The following PCNX2 variants were observed in gnomAD, a reference collection of about 807,000 sequenced individuals.
PCNX2 encodes the protein pecanex 2, also known as pecanex-like protein 2.
A neutral mutation model predicts 223.8 loss-of-function variants in PCNX2; 168 were observed. The ratio of observed to expected loss-of-function variants is 0.75; its 90% confidence interval spans 0.66 to 0.85. The LOEUF (loss-of-function observed/expected upper bound fraction) is 0.85, where lower values mean the gene tolerates loss of function less well. Ranked by LOEUF, PCNX2 falls within the 40% of genes least tolerant of loss-of-function variation. The probability of loss-of-function intolerance (pLI) is 0.00; values close to 1 mark genes in which losing one functional copy is unlikely to be tolerated. For missense variants in PCNX2, 2,507 were observed against 2,675.5 expected (o/e 0.94, Z 1.39); for synonymous variants, 1,006 against 1,052.6 (o/e 0.96, Z 0.86).
chr1:233,094,400 A>G (rs1674042037), intron 22 of PCNX2, among the ~76,000 whole-genome samples: 4 of 152,226 alleles, frequency 2.6e-5, no homozygotes, highest in Admixed American at 1.3e-4. Context: ...AGCTAAAGGG[A>G]AAGGGTGGTG....
At chr1:233,322,226 A>C in the PCNX2 span, among the ~76,000 whole-genome samples, 1 of 151,898 alleles carries the variant, frequency 6.6e-6, no homozygotes, top group African/African-American at 2.4e-5. Context: ...TTAAATATAC[A>C]TTTGCCACCC....
At chr1:232,987,985 C>A (rs1669554276) in intron 32 of PCNX2, among the ~76,000 whole-genome samples, 1 of 152,230 alleles carries the variant, frequency 6.6e-6, no homozygotes, top group African/African-American at 2.4e-5. Flanking sequence ...GTGCTCAGCC[C>A]CTCGCATGGG....
At chr1:233,241,428 C>A in intron 8 of PCNX2, 1 of 936,006 alleles carries the variant, frequency 1.1e-6, no homozygotes, top group Non-Finnish European at 1.3e-6. Flanking sequence ...GGTGAAAGTA[C>A]AATCTCTTTC....
intron 20 of PCNX2, 34 bp from the exon 21 acceptor site, chr1:233,135,224 AC>A: frequency 6.3e-7 from 1 of 1,583,694 alleles, no homozygotes. Flanking sequence ...GCAATCAATG[AC>A]AGTGTGCACA....
At chr1:233,089,893 C>G in intron 23 of PCNX2, 168 bp downstream of exon 23, 3 of 1,404,806 alleles carry the variant, frequency 2.1e-6, no homozygotes, top group Non-Finnish European at 2.8e-6. Context: ...CCCTGAGACC[C>G]AAGAGCTGAG....
chr1:233,173,463 G>A (rs562404164), intron 17 of PCNX2, among the ~76,000 whole-genome samples: 1 of 152,254 alleles, frequency 6.6e-6, no homozygotes, highest in East Asian at 1.9e-4. Context: ...ACCATGCCCA[G>A]CCCAGTCTTC....
rs80232762 is a variant in PCNX2, at chr1:233,227,136, G to A, written c.2504+90C>T. 7.3e-6 allele frequency: 10 copies of A among 1,370,928 alleles called. No homozygotes were observed. In the East Asian group the frequency reaches 7.7e-5, roughly 11 times the overall value. The allele number at this position is 1,370,928 out of a possible 1,614,324, so 84.9% of individuals were successfully genotyped here. The stretch of plus-strand genomic sequence containing the variant: ...AAGCGTACAACTTGAAAATGTGCAA[G>A]TGACAATGTTCTCTTTGAAAGCATG... On this transcript the variant is annotated intron_variant, in intron 10 of 33. Coordinates refer to ENST00000258229, the MANE Select transcript of PCNX2 (RefSeq NM_014801.4).
intron 8 of PCNX2, among the ~76,000 whole-genome samples, chr1:233,244,922 C>T (rs888096149): frequency 3.9e-5 from 6 of 152,202 alleles, no homozygotes; most frequent in Non-Finnish European, 8.8e-5. Flanking sequence ...TCCCTCCAAC[C>T]GTCCCACCAA....
intron 21 of PCNX2, among the ~76,000 whole-genome samples, chr1:233,111,770 G>C (rs1174757140): frequency 2.0e-5 from 3 of 152,172 alleles, no homozygotes; most frequent in Non-Finnish European, 2.9e-5. Context: ...ATTGGCAGCA[G>C]GCACTGGTAT....
intron 21 of PCNX2, among the ~76,000 whole-genome samples, chr1:233,097,406 G>A (rs1424150661): frequency 6.6e-6 from 1 of 151,988 alleles, no homozygotes; most frequent in Non-Finnish European, 1.5e-5. Context: ...GGCTTGGGGA[G>A]CTATAAGGAA....
In PCNX2 at chr1:233,126,047, T is replaced by C. The variant is rs923935422; in HGVS notation, c.3837+8966A>G. 1 of 151,910 alleles carries C rather than the reference T, an allele frequency of 6.6e-6. No individual in the cohort carries two copies. The highest frequency in any genetic ancestry group is 1.5e-5 in the Non-Finnish European group (1 of 68,000). The allele number at this position is 151,910 out of a possible 1,614,324, so 9.4% of individuals were successfully genotyped here. A position where few individuals can be genotyped will look rare whatever the true frequency, so the allele number is the denominator to read the frequency against. On this transcript the variant is annotated intron_variant, in intron 21 of 33. Transcript: ENST00000258229. This position sits in a 1 kb window ranked among gnomAD's most constrained non-coding sequence, Gnocchi z 4.8. The stretch of plus-strand genomic sequence containing the variant: ...CAACATGGTGAAACCCCATCTCTAA[T>C]AAAAATACAAAAATTAGCCAGGTGT...
intron 20 of PCNX2, among the ~76,000 whole-genome samples, chr1:233,136,885 G>T (rs1676835519): frequency 6.6e-6 from 1 of 152,158 alleles, no homozygotes; most frequent in Admixed American, 6.5e-5. Flanking sequence ...GGGTTATTCA[G>T]GCAAAATCCA....
chr1:233,015,222 TGCTAGAC>T (rs1670609674), intron 27 of PCNX2, among the ~76,000 whole-genome samples: 1 of 152,224 alleles, frequency 6.6e-6, no homozygotes, highest in Non-Finnish European at 1.5e-5. Context: ...GTGGGTTGAC[TGCTAGAC>T]TGTAAGTCCA....
rs569179597 is a variant in PCNX2 at position 233,043,362 on chromosome 1, A to G, written c.4351+10906T>C. Among the ~76,000 whole-genome samples, 208 of 152,272 alleles carry G rather than the reference A, an allele frequency of 1.4e-3. 1 individual carries two copies. The highest frequency in any genetic ancestry group is 2.6e-3 in the Non-Finnish European group (179 of 68,014). On this transcript the variant is annotated intron_variant, in intron 25 of 33. Coordinates refer to ENST00000258229, the MANE Select transcript of PCNX2 (RefSeq NM_014801.4). ...AAAACCCTTGAACTTGATGGCCCCC[A>G]TTGGCCTTCTAACATGCATTATCTA...
At chr1:233,292,055 C>A in intron 1 of PCNX2, 1 of 954,524 alleles carries the variant, frequency 1.0e-6, no homozygotes, top group Non-Finnish European at 1.2e-6. Flanking sequence ...TCACTATTTT[C>A]CACATTATCA....
chr1:233,210,793 C>A (rs545609173), intron 12 of PCNX2, among the ~76,000 whole-genome samples: 1 of 152,164 alleles, frequency 6.6e-6, no homozygotes, highest in Non-Finnish European at 1.5e-5. Flanking sequence ...CTGCTTTTAA[C>A]CTTAAAATAC....
intron 10 of PCNX2, among the ~76,000 whole-genome samples, chr1:233,223,267 G>A (rs897021982): frequency 3.3e-5 from 5 of 152,112 alleles, no homozygotes; most frequent in African/African-American, 4.8e-5. Context: ...TGGAATCAAC[G>A]GTGACCCTGA....
At chr1:233,066,531 T>C (rs1672616692) in intron 23 of PCNX2, among the ~76,000 whole-genome samples, 1 of 152,228 alleles carries the variant, frequency 6.6e-6, no homozygotes, top group African/African-American at 2.4e-5. Flanking sequence ...GAAGGAGGCA[T>C]CTGTGCTGGC....
At chr1:233,259,437 C>A in intron 4 of PCNX2, 93 bp from the exon 5 acceptor site, 1 of 1,411,792 alleles carries the variant, frequency 7.1e-7, no homozygotes, top group Non-Finnish European at 9.4e-7. Flanking sequence ...ACTAAAACAG[C>A]ACCAGCAACT....
Sources: allele counts gnomAD v4.1 joint callset (sites outside exome capture counted in the v4.1 genomes callset), GRCh38; gene constraint gnomAD v4.1.1; non-coding constraint Gnocchi (gnomAD v3.1); transcripts MANE v1.5; gene names NCBI Gene and HGNC (gene_info 2026-07-23, HGNC 2026-07-21).